Variants in RBM18 observed in about 807,000 individuals in gnomAD.
RBM18 encodes RNA binding motif protein 18.
A neutral mutation model predicts 26.4 loss-of-function variants in RBM18; 18 were observed. The observed-to-expected ratio is 0.68, with a 90% CI of 0.47 to 1.01. The LOEUF (loss-of-function observed/expected upper bound fraction) is 1.01, where lower values mean the gene tolerates loss of function less well. Ranked by LOEUF, RBM18 falls within the 50% of genes least tolerant of loss-of-function variation. The pLI is 0.00. For missense variants in RBM18, 180 were observed against 219.2 expected (o/e 0.82, Z 1.13); for synonymous variants, 74 against 81.1 (o/e 0.91, Z 0.47).
intron 3 of RBM18, among the ~76,000 whole-genome samples, chr9:122,250,678 T>C (rs1243031917): frequency 6.6e-6 from 1 of 152,194 alleles, no homozygotes; most frequent in Non-Finnish European, 1.5e-5. Flanking sequence ...CTTTGAATGA[T>C]AAACATGATA....
At chr9:122,246,917 T>C (rs1199818438) in intron 4 of RBM18, among the ~76,000 whole-genome samples, 1 of 152,160 alleles carries the variant, frequency 6.6e-6, no homozygotes, top group African/African-American at 2.4e-5. Flanking sequence ...TGTTTTGTTT[T>C]TTTTAATGGC....
chr9:122,241,860 T>C lies in RBM18; in HGVS notation c.*24A>G. On this transcript the variant is annotated 3_prime_UTR_variant, in exon 6 of 6. Coordinates refer to ENST00000417201, the MANE Select transcript of RBM18 (RefSeq NM_033117.4). ...TTAGGTGTGGAGACCAATTTGCTTT[T>C]GCTGCTACAGTAATTCACAACCATC... The C allele has an allele frequency of 6.2e-7, 1 of 1,608,078 alleles. No homozygotes were observed. The highest frequency in any genetic ancestry group is 8.5e-7 in the Non-Finnish European group (1 of 1,177,036).
rs554086244 is a variant in RBM18 at position 122,238,971 on chromosome 9, A to G, written c.*2913T>C. ...GAAGAACTAGATAGGAGCTGGAGAG[A>G]AAAAGAGAAAACAGGGATAAGCATG... is the stretch of plus-strand genomic sequence containing the variant. On this transcript the variant is annotated 3_prime_UTR_variant, in exon 6 of 6. Transcript: ENST00000417201. The G allele has an allele frequency of 5.3e-5, 8 of 152,194 alleles. No homozygotes were observed. The highest frequency in any genetic ancestry group is 1.2e-4 in the Non-Finnish European group (8 of 68,040). The allele number at this position is 152,194 out of a possible 1,614,324, so 9.4% of individuals were successfully genotyped here.
intron 3 of RBM18, among the ~76,000 whole-genome samples, chr9:122,251,091 A>C (rs1430859894): frequency 6.6e-6 from 1 of 151,776 alleles, no homozygotes; most frequent in African/African-American, 2.4e-5. Flanking sequence ...ATAATTAAAA[A>C]AATTTTTTTT....
chr9:122,245,397 G>A (rs1831489720), intron 4 of RBM18, 56 bp from the exon 5 acceptor site: 4 of 1,072,100 alleles, frequency 3.7e-6, no homozygotes, highest in Admixed American at 3.5e-5. Flanking sequence ...GCCCTTTACT[G>A]TAGTGGATGG....
chr9:122,240,207 T>G lies in RBM18; in HGVS notation c.*1677A>C, dbSNP rs2118944767. ...TAGTCCACCATAATCCTTTGAAGAC[T>G]TACGGATAAAATGGTGAATTCTATA... is the stretch of plus-strand genomic sequence containing the variant. On this transcript the variant is annotated 3_prime_UTR_variant, in exon 6 of 6. Transcript: ENST00000417201. 6.6e-6 allele frequency: 1 copy of G among 152,316 alleles called. No homozygotes were observed. Among genetic ancestry groups the G allele is most frequent in the African/African-American group, 2.4e-5 (1 of 41,576 alleles). 9.4% of individuals were successfully genotyped at this position (152,316 alleles called of 1,614,324 possible).
Position 122,247,561 on chromosome 9 carries a change from A to G in RBM18, c.284T>C (p.Leu95Pro). The change falls in exon 4 of 6, where the codon CTG (leucine) becomes CCG (proline). Residue 95 changes from leucine (L) to proline (P), a missense_variant. Coordinates refer to ENST00000417201, the MANE Select transcript of RBM18 (RefSeq NM_033117.4). ...CCATCGCACCACCAGCTTCTTGGAC[A>G]GGGCCAACTTGCCATTGAGACACTG... is the stretch of plus-strand genomic sequence containing the variant. Reference protein sequence around the residue: ...AIQCLNGKLALSKKLVVRWAH... With the variant: ...AIQCLNGKLAPSKKLVVRWAH... 1 of 1,614,036 alleles carries G rather than the reference A, an allele frequency of 6.2e-7. No individual in the cohort carries two copies. The highest frequency in any genetic ancestry group is 8.5e-7 in the Non-Finnish European group (1 of 1,180,014).
intron 2 of RBM18, 68 bp from the exon 3 acceptor site, chr9:122,252,041 G>C (rs1002439026): frequency 5.0e-6 from 8 of 1,590,380 alleles, no homozygotes; most frequent in Non-Finnish European, 6.9e-6. Context: ...TGAAGTGTGA[G>C]ATAAAAGCAG....
chr9:122,246,913 G>A (rs553341388), intron 4 of RBM18, among the ~76,000 whole-genome samples: 1 of 151,692 alleles, frequency 6.6e-6, no homozygotes, highest in Admixed American at 6.6e-5. Context: ...CATTTGTTTT[G>A]TTTTTTTTAA....
At chr9:122,254,990 T>C (rs1831667708) in intron 2 of RBM18, among the ~76,000 whole-genome samples, 1 of 152,186 alleles carries the variant, frequency 6.6e-6, no homozygotes, top group East Asian at 1.9e-4. Flanking sequence ...TCTGATCCAT[T>C]GGAGTAGAGT....
At chr9:122,252,517 G>A (rs572582130) in intron 2 of RBM18, among the ~76,000 whole-genome samples, 2 of 152,310 alleles carry the variant, frequency 1.3e-5, no homozygotes, top group African/African-American at 4.8e-5. Flanking sequence ...TTGCACTTGT[G>A]AGAAACTCTG....
chr9:122,261,466 G>C lies in RBM18; in HGVS notation c.27C>G (p.Pro9=), dbSNP rs1394854857. ...CTGAAAGGATGGATGCATTCTCCAG[G>C]GGAAGAGTTTTGGTTTCTGCTTCCA... is the stretch of plus-strand genomic sequence containing the variant. MEAETKTL[P]LENASILSEG... The change falls in exon 2 of 6, where the codon CCC becomes CCG. Residue 9 remains proline, a synonymous_variant. Coordinates refer to ENST00000417201, the MANE Select transcript of RBM18 (RefSeq NM_033117.4). The C allele has an allele frequency of 6.2e-7, 1 of 1,613,996 alleles. No homozygotes were observed. The highest frequency in any genetic ancestry group is 2.2e-5 in the East Asian group (1 of 44,896).
intron 2 of RBM18, among the ~76,000 whole-genome samples, chr9:122,256,592 T>TGG (rs1831701820): frequency 6.6e-6 from 1 of 152,194 alleles, no homozygotes; most frequent in South Asian, 2.1e-4. Context: ...ACAGTTAGAT[T>TGG]GGGTCTCACA....
intron 5 of RBM18, chr9:122,243,842 TAA>T: frequency 1.0e-6 from 1 of 984,958 alleles, no homozygotes; most frequent in Non-Finnish European, 1.2e-6. Context: ...GCATAGATGT[TAA>T]TAGAGAGATG....
chr9:122,264,312 A>T (rs1157654822), intron 1 of RBM18, among the ~76,000 whole-genome samples: 1 of 152,254 alleles, frequency 6.6e-6, no homozygotes, highest in Admixed American at 6.5e-5. Context: ...AAAGGGTAAT[A>T]AAAGATCAAG....
In RBM18 at chr9:122,239,149, T is replaced by C. The variant is rs1831372719; in HGVS notation, c.*2735A>G. 1 of 152,238 alleles carries C rather than the reference T, an allele frequency of 6.6e-6. No homozygotes were observed. Among genetic ancestry groups the C allele is most frequent in the African/African-American group, 2.4e-5 (1 of 41,468 alleles). 9.4% of individuals were successfully genotyped at this position (152,238 alleles called of 1,614,324 possible). A position where few individuals can be genotyped will look rare whatever the true frequency, so the allele number is the denominator to read the frequency against. On this transcript the variant is annotated 3_prime_UTR_variant, in exon 6 of 6. Coordinates refer to ENST00000417201, the MANE Select transcript of RBM18 (RefSeq NM_033117.4). ...GATTCAGAAACTGTGCATATCTTAATAAACAAGAGACAGAGCTGCAGAATA... is the reference window on the plus strand; with the variant it reads ...GATTCAGAAACTGTGCATATCTTAACAAACAAGAGACAGAGCTGCAGAATA...
intron 3 of RBM18, among the ~76,000 whole-genome samples, chr9:122,249,708 C>CAA (rs575973401): frequency 1.1e-4 from 15 of 137,884 alleles, no homozygotes; most frequent in African/African-American, 3.4e-4. Flanking sequence ...GACCCTGTCT[C>CAA]AAAAAAAAAA....
At position 122,239,419 on chromosome 9, in the gene RBM18, T is replaced by C. The variant is rs1831376825; in HGVS notation, c.*2465A>G. ...TTATAGAAAATCAACTGGTTAGGAT[T>C]ACATTTTGCATTTGATAAAATAGGA... On this transcript the variant is annotated 3_prime_UTR_variant, in exon 6 of 6. Transcript: ENST00000417201. 1 of 152,240 alleles carries C rather than the reference T, an allele frequency of 6.6e-6. No homozygotes were observed. The highest frequency in any genetic ancestry group is 6.5e-5 in the Admixed American group (1 of 15,280). The allele number at this position is 152,240 out of a possible 1,614,324, so 9.4% of individuals were successfully genotyped here. A position where few individuals can be genotyped will look rare whatever the true frequency, so the allele number is the denominator to read the frequency against.
Position 122,261,266 on chromosome 9 carries a change from G to C in RBM18, c.113+114C>G, listed in dbSNP as rs535572051. 3.3e-4 allele frequency: 235 copies of C among 710,288 alleles called. 1 individual carries two copies. In the African/African-American group the frequency reaches 3.9e-3, roughly 12 times the overall value. 44.0% of individuals were successfully genotyped at this position (710,288 alleles called of 1,614,324 possible). On this transcript the variant is annotated intron_variant, in intron 2 of 5. Coordinates refer to ENST00000417201, the MANE Select transcript of RBM18 (RefSeq NM_033117.4). ...CAACATCTTATCTCTCCGAAGACACGATGTAAGTAAAAGGGTCTAAGTATA... is the reference window on the plus strand; with the variant it reads ...CAACATCTTATCTCTCCGAAGACACCATGTAAGTAAAAGGGTCTAAGTATA...
Sources: allele counts gnomAD v4.1 joint callset (sites outside exome capture counted in the v4.1 genomes callset), GRCh38; gene constraint gnomAD v4.1.1; transcripts MANE v1.5; gene names NCBI Gene and HGNC (gene_info 2026-07-23, HGNC 2026-07-21).